Variants in B4GALT5 observed in about 807,000 individuals in gnomAD.
B4GALT5 encodes UDP-Gal:beta-GlcNAc beta-1,4-galactosyltransferase 5.
Under a neutral mutation model 45.0 loss-of-function variants are expected in B4GALT5, and 11 were observed. The observed-to-expected ratio is 0.24, with a 90% CI of 0.15 to 0.40. The LOEUF (loss-of-function observed/expected upper bound fraction) is 0.40, where lower values mean the gene tolerates loss of function less well. Among genes scored for constraint, B4GALT5 ranks in the 10% least tolerant of loss-of-function variants. B4GALT5 has a pLI of 1.00. For missense variants in B4GALT5, 337 were observed against 500.2 expected, an observed-to-expected ratio of 0.67 and a Z score of 3.11; for synonymous variants, 185 against 182.9, an observed-to-expected ratio of 1.01 and a Z score of -0.09.
chr20:49,683,416 T>TG (rs2085772436), intron 1 of B4GALT5, among the ~76,000 whole-genome samples: 1 of 134,670 alleles, frequency 7.4e-6, no homozygotes, highest in African/African-American at 2.9e-5. Context: ...TTTTTGGAGA[T>TG]GGAGTCTCAC....
chr20:49,667,300 A>T (rs2085695410), intron 1 of B4GALT5, among the ~76,000 whole-genome samples: 1 of 149,192 alleles, frequency 6.7e-6, no homozygotes, highest in Non-Finnish European at 1.5e-5. Context: ...CCCAGGCTGG[A>T]GTGCAGTGGC....
At chr20:49,713,001 T>C (rs1020382704) in intron 1 of B4GALT5, among the ~76,000 whole-genome samples, 75 of 135,262 alleles carry the variant, frequency 5.5e-4, no homozygotes, top group Non-Finnish European at 1.6e-4. Context: ...TGGAGGTGGA[T>C]GTAATAGGGG....
chr20:49,672,825 G>GA lies in B4GALT5; in HGVS notation c.116-16124dup, dbSNP rs138414088. Among the ~76,000 whole-genome samples the GA allele has an allele frequency of 7.5e-3, 1,133 of 151,192 alleles. 7 individuals are homozygous for GA. The highest frequency in any genetic ancestry group is 0.02 in the Middle Eastern group (6 of 294). Reference sequence around the variant, plus strand: ...TGGATTTAAAAAAGAAAACAAACCAGAAAAAAAACAAACAAAAAACAAATC... The same window carrying GA: ...TGGATTTAAAAAAGAAAACAAACCAGAAAAAAAAACAAACAAAAAACAAATC... On this transcript the variant is annotated intron_variant, in intron 1 of 8. Coordinates refer to ENST00000371711, the MANE Select transcript of B4GALT5 (RefSeq NM_004776.4).
intron 1 of B4GALT5, among the ~76,000 whole-genome samples, chr20:49,700,923 C>G (rs2085858912): frequency 6.6e-6 from 1 of 152,220 alleles, no homozygotes; most frequent in South Asian, 2.1e-4. Flanking sequence ...AAGGGGGTGA[C>G]TACCTTATTC....
intron 1 of B4GALT5, among the ~76,000 whole-genome samples, chr20:49,660,108 C>T (rs1347269091): frequency 3.9e-5 from 6 of 152,148 alleles, no homozygotes; most frequent in Non-Finnish European, 5.9e-5. Flanking sequence ...AACTTCACAT[C>T]TTCATCATCA....
rs1008945212 is a variant in B4GALT5 at position 49,644,229 on chromosome 20, CT to C, written c.365-580del. ...GTCGTGGGCCACTGTGCCCAGCCTT[CT>C]TTTTTTTTTGTTTTGTTTATTAATA... is the stretch of plus-strand genomic sequence containing the variant. On this transcript the variant is annotated intron_variant, in intron 3 of 8. Coordinates refer to ENST00000371711, the MANE Select transcript of B4GALT5 (RefSeq NM_004776.4). 4.4e-3 allele frequency among the ~76,000 whole-genome samples: 647 copies of C among 147,404 alleles called. 4 individuals carry two copies. Among genetic ancestry groups the C allele is most frequent in the African/African-American group, 0.015 (604 of 40,350 alleles).
rs563215807 is a variant in B4GALT5 at position 49,698,822 on chromosome 20, C to A, written c.115+14754G>T. Reference sequence around the variant, plus strand: ...TTTTTTTAAATCTCAGCAATAGAGGCAAGGTTATTTCTACCTTACATCCAA... The same window carrying A: ...TTTTTTTAAATCTCAGCAATAGAGGAAAGGTTATTTCTACCTTACATCCAA... On this transcript the variant is annotated intron_variant, in intron 1 of 8. Coordinates refer to ENST00000371711, the MANE Select transcript of B4GALT5 (RefSeq NM_004776.4). Among the ~76,000 whole-genome samples the A allele has an allele frequency of 2.6e-5, 4 of 152,264 alleles. No individual in the cohort carries two copies. In the South Asian group the frequency reaches 8.3e-4, roughly 32 times the overall value.
intron 1 of B4GALT5, among the ~76,000 whole-genome samples, chr20:49,684,290 C>T (rs535226112): frequency 8.5e-5 from 13 of 152,150 alleles, no homozygotes; most frequent in Admixed American, 2.6e-4. Context: ...TGGCTGGGCG[C>T]GGTGGCTCAT....
chr20:49,656,706 C>G lies in B4GALT5; in HGVS notation c.116-4G>C, dbSNP rs369189890. 2.4e-5 allele frequency: 39 copies of G among 1,613,230 alleles called. No homozygotes were observed. The African/African-American group carries it at 4.7e-4, about 19-fold the overall frequency. On this transcript the variant is annotated splice_region_variant and splice_polypyrimidine_tract_variant and intron_variant, in intron 1 of 8. Transcript: ENST00000371711. ...ATCATGAAGAGGTAGGTGTTCACTG[C>G]AGAAAGCAAAAAGGGGAAAAAGAGG...
Position 49,642,492 on chromosome 20 carries a change from C to G in B4GALT5, c.582G>C (p.Gln194His), listed in dbSNP as rs1182984930. ...LLPMLQRQRLQFAFYVVEQVG... is the reference protein window; with the variant it reads ...LLPMLQRQRLHFAFYVVEQVG... The stretch of plus-strand genomic sequence containing the variant: ...CTTGTTCAACCACATAAAATGCAAA[C>G]TGCAAGCGCTGGCGCTGGAGCATGG... The change falls in exon 5 of 9, where the codon CAG becomes CAC. Residue 194 changes from glutamine (Q) to histidine (H), a missense_variant. Transcript: ENST00000371711. The G allele has an allele frequency of 6.2e-7, 1 of 1,613,906 alleles. No individual in the cohort carries two copies. The highest frequency in any genetic ancestry group is 1.1e-5 in the South Asian group (1 of 91,056).
In B4GALT5 at chr20:49,639,789, G is replaced by A. The variant is rs2085568372; in HGVS notation, c.806C>T (p.Thr269Ile). Reference protein sequence around the residue: ...LDKYMYLLPYTEFFGGVSGLT... With the variant: ...LDKYMYLLPYIEFFGGVSGLT... ...GCCACTCACTCCGCCAAAGAACTCG[G>A]TATAAGGAAGCCTAGGAGGAGATGT... Residue 269 changes from threonine (T) to isoleucine (I), a missense_variant, in exon 7 of 9, where the codon ACC (threonine) becomes ATC (isoleucine). By Grantham distance (89) the Thr-to-Ile change is moderately conservative. Transcript: ENST00000371711. 2.5e-6 allele frequency: 4 copies of A among 1,613,108 alleles called. No individual in the cohort carries two copies. Among genetic ancestry groups the A allele is most frequent in the African/African-American group, 2.7e-5 (2 of 75,012 alleles).
intron 1 of B4GALT5, among the ~76,000 whole-genome samples, chr20:49,665,102 G>A (rs1374520907): frequency 6.6e-6 from 1 of 152,078 alleles, no homozygotes; most frequent in Non-Finnish European, 1.5e-5. Context: ...TCCAGGAGTG[G>A]CCAAGTTCCC....
rs533681130 is a variant in B4GALT5 at position 49,676,040 on chromosome 20, CA to C, written c.116-19339del. Among the ~76,000 whole-genome samples, 33 of 151,624 alleles carry C rather than the reference CA, an allele frequency of 2.2e-4. No individual in the cohort carries two copies. In the East Asian group the frequency reaches 6.2e-3, roughly 28 times the overall value. On this transcript the variant is annotated intron_variant, in intron 1 of 8. Transcript: ENST00000371711. ...TTTATTATTGCATCCTCCCCCAACC[CA>C]ACCCCCCCAGACAAAGCTTGGCATT...
intron 1 of B4GALT5, among the ~76,000 whole-genome samples, chr20:49,665,559 T>C (rs1168713320): frequency 6.6e-6 from 1 of 151,372 alleles, no homozygotes; most frequent in Non-Finnish European, 1.5e-5. Context: ...AATTCTTTTA[T>C]AAATGTTACA....
At chr20:49,656,496 A>G in intron 2 of B4GALT5, 72 bp downstream of exon 2, 2 of 1,576,812 alleles carry the variant, frequency 1.3e-6, no homozygotes, top group Non-Finnish European at 1.7e-6. Flanking sequence ...ATTGAAAATA[A>G]TTATTGCAAC....
chr20:49,685,540 G>A (rs891974078), intron 1 of B4GALT5, among the ~76,000 whole-genome samples: 6 of 152,222 alleles, frequency 3.9e-5, no homozygotes, highest in South Asian at 2.1e-4. Context: ...GGAGAAAAAC[G>A]CTGGATCCAA....
chr20:49,674,274 G>T (rs1389375585), intron 1 of B4GALT5, among the ~76,000 whole-genome samples: 4 of 150,338 alleles, frequency 2.7e-5, no homozygotes, highest in Non-Finnish European at 5.9e-5. Context: ...GGTTTGGGAT[G>T]TATCTAGATT....
In B4GALT5 at chr20:49,634,333, T is replaced by C. The variant is rs997327921; in HGVS notation, c.*1979A>G. 1 of 151,912 alleles carries C rather than the reference T, an allele frequency of 6.6e-6. No individual in the cohort carries two copies. Among genetic ancestry groups the C allele is most frequent in the Non-Finnish European group, 1.5e-5 (1 of 67,888 alleles). 9.4% of individuals were successfully genotyped at this position (151,912 alleles called of 1,614,324 possible). On this transcript the variant is annotated 3_prime_UTR_variant, in exon 9 of 9. Transcript: ENST00000371711. The stretch of plus-strand genomic sequence containing the variant: ...ACACACACACCCCTACACACACCCA[T>C]GTAAACTATGAAAATCAAGGAAGTT...
At chr20:49,665,483 T>TAAA (rs2085686510) in intron 1 of B4GALT5, among the ~76,000 whole-genome samples, 1 of 140,362 alleles carries the variant, frequency 7.1e-6, no homozygotes, top group Admixed American at 7.1e-5. Flanking sequence ...ATAATAATAA[T>TAAA]GAAGAAACAT....
Sources: allele counts gnomAD v4.1 joint callset (sites outside exome capture counted in the v4.1 genomes callset), GRCh38; gene constraint gnomAD v4.1.1; transcripts MANE v1.5; gene names NCBI Gene and HGNC (gene_info 2026-07-23, HGNC 2026-07-21).